GALNT3: variants seen among roughly 807,000 people sequenced by gnomAD.
GALNT3 encodes polypeptide N-acetylgalactosaminyltransferase 3, also known as GalNAc transferase 3.
In GALNT3, 51 loss-of-function variants were observed where a neutral mutation model predicts 69.8. The ratio of observed to expected loss-of-function variants is 0.73; its 90% CI spans 0.58 to 0.92. GALNT3 has a LOEUF of 0.92. Among genes scored for constraint, GALNT3 ranks in the 40% least tolerant of loss-of-function variants. The pLI is 0.00. For synonymous variants in GALNT3, 265 were observed against 248.5 expected, an observed-to-expected ratio of 1.07 and a Z score of -0.63; for missense variants, 711 against 760.0, an observed-to-expected ratio of 0.94 and a Z score of 0.76.
At chr2:165,755,856 A>G (rs1015060298) in intron 7 of GALNT3, among the ~76,000 whole-genome samples, 1 of 152,184 alleles carries the variant, frequency 6.6e-6, no homozygotes, top group Non-Finnish European at 1.5e-5. Context: ...AGCAAAAAGT[A>G]TGAGTCTTTA....
chr2:165,781,046 C>T (rs1256830881), intron 1 of GALNT3, among the ~76,000 whole-genome samples: 1 of 152,040 alleles, frequency 6.6e-6, no homozygotes, highest in Non-Finnish European at 1.5e-5. Context: ...TATTTCAAAA[C>T]CCTAGATGTC....
intron 1 of GALNT3, among the ~76,000 whole-genome samples, chr2:165,792,405 G>A (rs755955899): frequency 9.9e-5 from 15 of 152,156 alleles, no homozygotes; most frequent in Non-Finnish European, 1.8e-4. Flanking sequence ...TATTTAAACA[G>A]TATTTAGCAC....
rs528169973 is a variant in GALNT3 at position 165,751,936 on chromosome 2, C to T, written c.1627-2042G>A. Among the ~76,000 whole-genome samples, 4 of 152,144 alleles carry T rather than the reference C, an allele frequency of 2.6e-5. No individual in the cohort carries two copies. In the East Asian group the frequency reaches 7.7e-4, roughly 29 times the overall value. ...AAAATAAAATGTCAAGGAAATAAAGCAAAATAAAATCAATAGCTGTGTTAG... is the reference window on the plus strand; with the variant it reads ...AAAATAAAATGTCAAGGAAATAAAGTAAAATAAAATCAATAGCTGTGTTAG... On this transcript the variant is annotated intron_variant, in intron 9 of 10. Coordinates refer to ENST00000392701, the MANE Select transcript of GALNT3 (RefSeq NM_004482.4).
chr2:165,774,812 T>C (rs1192514930), intron 1 of GALNT3, among the ~76,000 whole-genome samples: 1 of 151,996 alleles, frequency 6.6e-6, no homozygotes, highest in East Asian at 1.9e-4. Context: ...AAACTTAACT[T>C]GTGTTAAATG....
intron 3 of GALNT3, among the ~76,000 whole-genome samples, chr2:165,763,076 C>T (rs1688581150): frequency 1.3e-5 from 2 of 151,726 alleles, no homozygotes; most frequent in Admixed American, 1.3e-4. Flanking sequence ...GCTGGGATTA[C>T]AGGTTGAGCC....
chr2:165,761,783 G>T, intron 4 of GALNT3, 122 bp downstream of exon 4: 1 of 1,093,474 alleles, frequency 9.1e-7, no homozygotes, highest in Non-Finnish European at 1.4e-6. Context: ...ATAATCGCCA[G>T]TTGAAAACGC....
intron 1 of GALNT3, among the ~76,000 whole-genome samples, chr2:165,785,541 G>T (rs12692778): frequency 0.36 from 55,427 of 151,930 alleles, 10,122 homozygotes; most frequent in Middle Eastern, 0.52. Context: ...ACATTTTTAA[G>T]AATTAAATAA....
intron 9 of GALNT3, among the ~76,000 whole-genome samples, chr2:165,750,117 C>T (rs1336720881): frequency 1.3e-5 from 2 of 152,090 alleles, no homozygotes; most frequent in African/African-American, 4.8e-5. Flanking sequence ...GTGCTGTCTT[C>T]CTCCCCATAC....
Position 165,748,373 on chromosome 2 carries a change from T to A in GALNT3, c.*408A>T, listed in dbSNP as rs1688296962. 3.8e-6 allele frequency: 1 copy of A among 260,670 alleles called. No homozygotes were observed. The highest frequency in any genetic ancestry group is 7.4e-6 in the Non-Finnish European group (1 of 135,232). 16.1% of individuals were successfully genotyped at this position (260,670 alleles called of 1,614,324 possible). A position where few individuals can be genotyped will look rare whatever the true frequency, so the allele number is the denominator to read the frequency against. On this transcript the variant is annotated 3_prime_UTR_variant, in exon 11 of 11. Transcript: ENST00000392701. ...TGACATTTATTGATCTATTTTTATG[T>A]AGTTAAAAAAATACAGTAACAAATC...
chr2:165,779,583 A>G (rs540419470), intron 1 of GALNT3, among the ~76,000 whole-genome samples: 2 of 152,326 alleles, frequency 1.3e-5, no homozygotes, highest in South Asian at 4.1e-4. Context: ...ATTCTGTCAC[A>G]GTCCCACTAA....
Position 165,747,867 on chromosome 2 carries a change from TGAAAA to T in GALNT3, c.*909_*913del, listed in dbSNP as rs974221095. On this transcript the variant is annotated 3_prime_UTR_variant, in exon 11 of 11. Transcript: ENST00000392701. ...TAGATAAAAAAATAAGGCTTTTTGA[TGAAAA>T]GAATCCATTACAAAGTCAAAAATCC... The T allele has an allele frequency of 3.1e-4, 54 of 172,172 alleles. No individual in the cohort carries two copies. Among genetic ancestry groups the T allele is most frequent in the Non-Finnish European group, 3.0e-4 (24 of 79,180 alleles). 10.7% of individuals were successfully genotyped at this position (172,172 alleles called of 1,614,324 possible). A position where few individuals can be genotyped will look rare whatever the true frequency, so the allele number is the denominator to read the frequency against.
chr2:165,753,820 C>CT (rs1395977355), intron 9 of GALNT3, among the ~76,000 whole-genome samples: 1 of 152,184 alleles, frequency 6.6e-6, no homozygotes, highest in African/African-American at 2.4e-5. Context: ...CAAGGAGAAT[C>CT]TTCCTCTTTT....
At chr2:165,751,996 C>G (rs1201086108) in intron 9 of GALNT3, among the ~76,000 whole-genome samples, 2 of 152,172 alleles carry the variant, frequency 1.3e-5, no homozygotes, top group Non-Finnish European at 2.9e-5. Flanking sequence ...TTAGTATATA[C>G]ACCAGATAAT....
At chr2:165,787,751 T>C (rs1044257896) in intron 1 of GALNT3, among the ~76,000 whole-genome samples, 1 of 152,234 alleles carries the variant, frequency 6.6e-6, no homozygotes, top group Non-Finnish European at 1.5e-5. Flanking sequence ...AACTCAATTA[T>C]ATTTTTTAAG....
At chr2:165,781,412 T>C (rs1008750173) in intron 1 of GALNT3, among the ~76,000 whole-genome samples, 1 of 151,792 alleles carries the variant, frequency 6.6e-6, no homozygotes, top group African/African-American at 2.4e-5. Context: ...CTGGGTAATA[T>C]GGCAAAACCC....
chr2:165,786,022 T>C (rs571827437), intron 1 of GALNT3, among the ~76,000 whole-genome samples: 1 of 152,144 alleles, frequency 6.6e-6, no homozygotes, highest in Admixed American at 6.6e-5. Context: ...CTTGACTCTG[T>C]AGTAAACAAT....
At chr2:165,787,578 A>T (rs531709161) in intron 1 of GALNT3, among the ~76,000 whole-genome samples, 10 of 152,344 alleles carry the variant, frequency 6.6e-5, no homozygotes, top group Non-Finnish European at 1.3e-4. Context: ...AGAGATGATG[A>T]TAGAGATAGG....
At chr2:165,754,031 A>T (rs978740272) in intron 9 of GALNT3, among the ~76,000 whole-genome samples, 39 of 152,110 alleles carry the variant, frequency 2.6e-4, no homozygotes, top group African/African-American at 5.1e-4. Flanking sequence ...GTTTCTTTTT[A>T]AAAAAAATTT....
chr2:165,750,240 C>A (rs1178499641), intron 9 of GALNT3, among the ~76,000 whole-genome samples: 1 of 152,110 alleles, frequency 6.6e-6, no homozygotes, highest in South Asian at 2.1e-4. Flanking sequence ...AGTGTTCCAT[C>A]TCTCTTCTTC....
Sources: allele counts gnomAD v4.1 joint callset (sites outside exome capture counted in the v4.1 genomes callset), GRCh38; gene constraint gnomAD v4.1.1; transcripts MANE v1.5; gene names NCBI Gene and HGNC (gene_info 2026-07-23, HGNC 2026-07-21).